The following FAM163A variants were observed in gnomAD, a reference collection of about 807,000 sequenced individuals.
FAM163A encodes the protein family with sequence similarity 163 member A.
FAM163A carries 7 observed loss-of-function variants against 12.0 expected under a neutral mutation model. The observed-to-expected ratio is 0.58, with a 90% CI of 0.33 to 1.10. FAM163A has a LOEUF of 1.10. Ranked by LOEUF, FAM163A falls within the 50% of genes least tolerant of loss-of-function variation. The pLI is 0.03. For synonymous variants in FAM163A, 101 were observed against 91.0 expected, an observed-to-expected ratio of 1.11 and a Z score of -0.62; for missense variants, 202 against 218.6, an observed-to-expected ratio of 0.92 and a Z score of 0.48.
intron 2 of FAM163A, among the ~76,000 whole-genome samples, chr1:179,811,347 T>C (rs1193755364): frequency 6.6e-6 from 1 of 151,902 alleles, no homozygotes; most frequent in Non-Finnish European, 1.5e-5. Context: ...GCTTGAGAGG[T>C]GATGAGTCTT....
At chr1:179,776,689 T>C (rs1227490727) in intron 1 of FAM163A, among the ~76,000 whole-genome samples, 3 of 152,194 alleles carry the variant, frequency 2.0e-5, no homozygotes, top group African/African-American at 4.8e-5. Context: ...TGGTCTTTAA[T>C]TGGCAATATG....
chr1:179,750,610 G>T (rs1361156645), intron 1 of FAM163A, among the ~76,000 whole-genome samples: 1 of 152,162 alleles, frequency 6.6e-6, no homozygotes, highest in Admixed American at 6.5e-5. Flanking sequence ...CAACATGAGC[G>T]GAAGAGGTAG....
intron 1 of FAM163A, among the ~76,000 whole-genome samples, chr1:179,780,594 C>T (rs1041656700): frequency 1.2e-4 from 19 of 152,202 alleles, no homozygotes; most frequent in African/African-American, 3.6e-4. Context: ...TGCACATTCT[C>T]AAGACTCACC....
chr1:179,814,277 A>C lies in FAM163A; in HGVS notation c.*88A>C, dbSNP rs1376653558. 1.4e-6 allele frequency: 2 copies of C among 1,463,680 alleles called. No homozygotes were observed. The highest frequency in any genetic ancestry group is 2.8e-5 in the African/African-American group (2 of 70,924). The allele number at this position is 1,463,680 out of a possible 1,614,324, so 90.7% of individuals were successfully genotyped here. On this transcript the variant is annotated 3_prime_UTR_variant, in exon 5 of 5. Coordinates refer to ENST00000341785, the MANE Select transcript of FAM163A (RefSeq NM_173509.3). The stretch of plus-strand genomic sequence containing the variant: ...ATGAATGACCCTCCAACAGCCCCAC[A>C]TGGGTTGTTTCTGTTTCTTTGGCTT...
intron 1 of FAM163A, among the ~76,000 whole-genome samples, chr1:179,774,949 C>A (rs113667284): frequency 4.3e-4 from 65 of 152,208 alleles, no homozygotes; most frequent in Middle Eastern, 3.4e-3. Flanking sequence ...AGGTTCTTGA[C>A]GTTTTGAACA....
the FAM163A span, among the ~76,000 whole-genome samples, chr1:179,731,433 C>T: frequency 6.6e-5 from 10 of 152,306 alleles, no homozygotes; most frequent in African/African-American, 1.9e-4. Context: ...AAGGATTTAG[C>T]GTTCTTCTCT....
intron 1 of FAM163A, among the ~76,000 whole-genome samples, chr1:179,770,140 C>T (rs1356044904): frequency 2.0e-5 from 3 of 151,954 alleles, no homozygotes; most frequent in Non-Finnish European, 4.4e-5. Context: ...CTCCTGACCT[C>T]GTGATCTGCC....
chr1:179,798,683 C>T (rs947745855), intron 1 of FAM163A, among the ~76,000 whole-genome samples: 7 of 152,192 alleles, frequency 4.6e-5, no homozygotes, highest in African/African-American at 1.4e-4. Flanking sequence ...CAGTCAGATC[C>T]GACTGGCGGG....
intron 1 of FAM163A, among the ~76,000 whole-genome samples, chr1:179,745,991 T>C (rs776912678): frequency 1.3e-5 from 2 of 152,210 alleles, no homozygotes; most frequent in Non-Finnish European, 2.9e-5. Context: ...CTTCAGAAAG[T>C]GCTGGCCTGG....
At chr1:179,796,387 T>C (rs1571527544) in intron 1 of FAM163A, among the ~76,000 whole-genome samples, 1 of 152,216 alleles carries the variant, frequency 6.6e-6, no homozygotes, top group Non-Finnish European at 1.5e-5. Flanking sequence ...GACTCAAATC[T>C]GATGTCACAT....
intron 1 of FAM163A, among the ~76,000 whole-genome samples, chr1:179,799,735 G>T (rs756178625): frequency 2.0e-5 from 3 of 152,204 alleles, no homozygotes; most frequent in Non-Finnish European, 2.9e-5. Flanking sequence ...AGGTTTACTG[G>T]CCTCAGCACT....
chr1:179,737,435 C>CAACA, the FAM163A span, among the ~76,000 whole-genome samples: 1 of 152,184 alleles, frequency 6.6e-6, no homozygotes, highest in African/African-American at 2.4e-5. Context: ...ATCTGCCATA[C>CAACA]AACATAATGC....
intron 2 of FAM163A, among the ~76,000 whole-genome samples, chr1:179,808,430 T>A (rs1694251370): frequency 6.6e-6 from 1 of 152,160 alleles, no homozygotes; most frequent in Non-Finnish European, 1.5e-5. Flanking sequence ...TGTCAATTCA[T>A]CCCAAAGGTC....
intron 1 of FAM163A, among the ~76,000 whole-genome samples, chr1:179,756,089 A>G (rs954647275): frequency 7.2e-5 from 11 of 152,220 alleles, no homozygotes; most frequent in African/African-American, 2.7e-4. Flanking sequence ...AGCACATTGG[A>G]GGATTCAGCA....
chr1:179,741,286 A>G (rs142391831), upstream of FAM163A, among the ~76,000 whole-genome samples: 898 of 152,346 alleles, frequency 5.9e-3, 9 homozygotes, highest in African/African-American at 0.021. Flanking sequence ...TAATAATATT[A>G]TATTTTGGCA....
intron 1 of FAM163A, among the ~76,000 whole-genome samples, chr1:179,804,541 C>CATGGA (rs1486863671): frequency 1.3e-5 from 2 of 152,318 alleles, no homozygotes; most frequent in Admixed American, 6.5e-5. Flanking sequence ...ATAGCAAAGA[C>CATGGA]ATGGAATCAA....
rs146962265 is a variant in FAM163A at position 179,795,073 on chromosome 1, G to A, written c.-135-12725G>A. On this transcript the variant is annotated intron_variant, in intron 1 of 4. Transcript: ENST00000341785. ...AAACTCTTGGCAAGGTGGTAAGAAG[G>A]GGGATGGGAGAGGGCTATCAGAGTG... Among the ~76,000 whole-genome samples, 772 of 152,250 alleles carry A rather than the reference G, an allele frequency of 5.1e-3. 6 individuals carry two copies. Among genetic ancestry groups the A allele is most frequent in the South Asian group, 0.012 (57 of 4,822 alleles).
chr1:179,748,999 A>G (rs57905639), intron 1 of FAM163A, among the ~76,000 whole-genome samples: 5 of 152,360 alleles, frequency 3.3e-5, no homozygotes, highest in African/African-American at 1.2e-4. Flanking sequence ...ATCAACAGGT[A>G]TTGACAACAG....
intron 1 of FAM163A, among the ~76,000 whole-genome samples, chr1:179,770,581 GCCACCCTGAAATT>G (rs1287256548): frequency 6.6e-6 from 1 of 152,064 alleles, no homozygotes; most frequent in African/African-American, 2.4e-5. Flanking sequence ...CTGTGCCCCA[GCCACCCTGAAATT>G]CTTTCAGTTC....
Sources: gnomAD v4.1 joint callset for allele counts (sites outside exome capture counted in the v4.1 genomes callset) on GRCh38, gnomAD v4.1.1 for gene constraint, MANE v1.5 for transcripts, NCBI Gene and HGNC (gene_info 2026-07-23, HGNC 2026-07-21) for gene names.